CADPS2: variants seen among roughly 807,000 people sequenced by gnomAD.
CADPS2 encodes the protein calcium-dependent secretion activator 2.
Under a neutral mutation model 172.5 loss-of-function variants are expected in CADPS2, and 93 were observed. The observed-to-expected ratio is 0.54, with a 90% confidence interval of 0.46 to 0.64. The LOEUF is 0.64. Ranked by LOEUF, CADPS2 falls within the 30% of genes least tolerant of loss-of-function variation. CADPS2 has a pLI of 0.00. For synonymous variants in CADPS2, 546 were observed against 555.2 expected, an observed-to-expected ratio of 0.98 and a Z score of 0.23; for missense variants, 1,420 against 1,565.9, an observed-to-expected ratio of 0.91 and a Z score of 1.57.
intron 1 of CADPS2, among the ~76,000 whole-genome samples, chr7:122,780,865 T>C (rs539810518): frequency 2.1e-4 from 31 of 149,676 alleles, no homozygotes; most frequent in Non-Finnish European, 3.8e-4. Context: ...TTTATATTGG[T>C]TTTGGTTTTA....
Position 122,663,371 on chromosome 7 carries a change from A to C in CADPS2, c.652T>G (p.Cys218Gly), listed in dbSNP as rs2080827443. The C allele has an allele frequency of 6.2e-7, 1 of 1,613,990 alleles. No individual in the cohort carries two copies. Among genetic ancestry groups the C allele is most frequent in the Non-Finnish European group, 8.5e-7 (1 of 1,179,890 alleles). The change falls in exon 3 of 30, where the codon TGC (cysteine) becomes GGC (glycine). Residue 218 changes from cysteine (C) to glycine (G), a missense_variant. Cys to Gly is a radical substitution (Grantham distance 159). Coordinates refer to ENST00000449022, the MANE Select transcript of CADPS2 (RefSeq NM_017954.11). ...AGGGCCATTCTATTTGGCTGTTTGC[A>C]CAAGTCCTCTTCACCTCTGTAAATG... ...DAIYRGEEDL[C>G]KQPNRMALSA...
Position 122,886,343 on chromosome 7 carries a change from T to C in CADPS2, c.-6A>G. 6.7e-7 allele frequency: 1 copy of C among 1,492,214 alleles called. No homozygotes were observed. Among genetic ancestry groups the C allele is most frequent in the Non-Finnish European group, 8.9e-7 (1 of 1,129,860 alleles). The allele number at this position is 1,492,214 out of a possible 1,614,324, so 92.4% of individuals were successfully genotyped here. A position where few individuals can be genotyped will look rare whatever the true frequency, so the allele number is the denominator to read the frequency against. On this transcript the variant is annotated 5_prime_UTR_variant, in exon 1 of 30. Transcript: ENST00000449022. ...CTGGAAGACGGGTCCAGCATGGTGC[T>C]CGGGGATCCCCGCCGCTCGGCCCGC...
chr7:122,698,761 A>G, intron 2 of CADPS2: 3 of 1,613,976 alleles, frequency 1.9e-6, no homozygotes, highest in Non-Finnish European at 2.5e-6. Flanking sequence ...CAACTCTGAC[A>G]ACACATGATT....
At chr7:122,739,157 T>C (rs965262137) in intron 1 of CADPS2, among the ~76,000 whole-genome samples, 1 of 152,136 alleles carries the variant, frequency 6.6e-6, no homozygotes, top group African/African-American at 2.4e-5. Flanking sequence ...GAAAGCACTA[T>C]AGTTACTAAG....
In CADPS2 at chr7:122,608,672, G is replaced by T. The variant is rs1030323562; in HGVS notation, c.1223+6509C>A. ...CTTCTTGTCTTTTTATTACTTTCAG[G>T]TGGTGGGCAGTAGAGACCCATTAAT... On this transcript the variant is annotated intron_variant, in intron 6 of 29. Transcript: ENST00000449022. 2.0e-5 allele frequency among the ~76,000 whole-genome samples: 3 copies of T among 152,036 alleles called. No individual in the cohort carries two copies. In the East Asian group the frequency reaches 5.8e-4, roughly 29 times the overall value.
intron 25 of CADPS2, 144 bp from the exon 26 acceptor site, chr7:122,361,157 T>C: frequency 3.1e-6 from 2 of 644,632 alleles, no homozygotes; most frequent in African/African-American, 1.8e-5. Context: ...TAACTTGTGA[T>C]GTTTACTCTT....
chr7:122,713,575 T>C (rs1199051556), intron 2 of CADPS2, among the ~76,000 whole-genome samples: 1 of 152,032 alleles, frequency 6.6e-6, no homozygotes, highest in Non-Finnish European at 1.5e-5. Flanking sequence ...CTGTAACCAT[T>C]TTTTTCAATC....
At chr7:122,797,711 T>C (rs537486648) in intron 1 of CADPS2, among the ~76,000 whole-genome samples, 12 of 152,162 alleles carry the variant, frequency 7.9e-5, no homozygotes, top group African/African-American at 2.6e-4. Flanking sequence ...CAGAGCTTAT[T>C]GCAGGGTGGA....
chr7:122,690,917 G>T (rs2084266685), intron 2 of CADPS2, among the ~76,000 whole-genome samples: 1 of 152,174 alleles, frequency 6.6e-6, no homozygotes, highest in Non-Finnish European at 1.5e-5. Flanking sequence ...GACTAGACCT[G>T]TGTACCATGC....
intron 1 of CADPS2, among the ~76,000 whole-genome samples, chr7:122,763,641 G>C (rs1416424726): frequency 6.6e-6 from 1 of 152,106 alleles, no homozygotes; most frequent in African/African-American, 2.4e-5. Flanking sequence ...CAAAGGAGTT[G>C]CTCTATAATG....
At chr7:122,361,089 T>A in intron 25 of CADPS2, 76 bp from the exon 26 acceptor site, 1 of 1,237,708 alleles carries the variant, frequency 8.1e-7, no homozygotes. Context: ...AATTCCTGAA[T>A]CAATTTCTTC....
chr7:122,558,147 A>G (rs1013257349), intron 7 of CADPS2, among the ~76,000 whole-genome samples: 2 of 152,332 alleles, frequency 1.3e-5, no homozygotes, highest in East Asian at 1.9e-4. Context: ...CCTAACTAGT[A>G]TATCAACAAG....
chr7:122,397,913 G>A (rs1410529954), intron 20 of CADPS2, among the ~76,000 whole-genome samples: 2 of 152,146 alleles, frequency 1.3e-5, no homozygotes, highest in Admixed American at 6.5e-5. Flanking sequence ...TACCGCCTGA[G>A]GGGAAAGCCA....
chr7:122,746,692 G>C (rs1183702059), intron 1 of CADPS2, among the ~76,000 whole-genome samples: 1 of 151,860 alleles, frequency 6.6e-6, no homozygotes, highest in African/African-American at 2.4e-5. Flanking sequence ...AATTTGTGTT[G>C]GGCTGCATTG....
chr7:122,711,053 GA>G (rs1248922125), intron 2 of CADPS2, among the ~76,000 whole-genome samples: 3 of 151,954 alleles, frequency 2.0e-5, no homozygotes, highest in Non-Finnish European at 2.9e-5. Context: ...CTTTTTTAAA[GA>G]AAGAGAACAG....
intron 3 of CADPS2, among the ~76,000 whole-genome samples, chr7:122,662,678 C>G (rs1438150339): frequency 6.6e-6 from 1 of 151,982 alleles, no homozygotes; most frequent in African/African-American, 2.4e-5. Context: ...TGGCCTTTAT[C>G]CCATTTTTGT....
intron 24 of CADPS2, 53 bp downstream of exon 24, chr7:122,386,973 C>G (rs2043767178): frequency 6.5e-7 from 1 of 1,527,642 alleles, no homozygotes; most frequent in African/African-American, 1.4e-5. Flanking sequence ...AAGGGCATTT[C>G]CCATGCCAAG....
chr7:122,351,241 C>T (rs1410562216), intron 27 of CADPS2, among the ~76,000 whole-genome samples: 3 of 150,328 alleles, frequency 2.0e-5, no homozygotes, highest in African/African-American at 2.4e-5. Flanking sequence ...GGCATGGTGG[C>T]GGGTGCCTGT....
At position 122,681,303 on chromosome 7, in the gene CADPS2, C is replaced by T. The variant is rs146412398; in HGVS notation, c.454-17734G>A. The T allele has an allele frequency of 4.4e-4, 460 of 1,054,558 alleles. No individual in the cohort carries two copies. In the African/African-American group the frequency reaches 5.5e-3, roughly 13 times the overall value. The allele number at this position is 1,054,558 out of a possible 1,614,324, so 65.3% of individuals were successfully genotyped here. ...TAATAAAAGAAAGAGCTCTCCGGTCCGTGCCTCCAAGATGACAAAGAAAAG... is the reference window on the plus strand; with the variant it reads ...TAATAAAAGAAAGAGCTCTCCGGTCTGTGCCTCCAAGATGACAAAGAAAAG... On this transcript the variant is annotated intron_variant, in intron 2 of 29. Transcript: ENST00000449022.
Sources: allele counts gnomAD v4.1 joint callset (sites outside exome capture counted in the v4.1 genomes callset), GRCh38; gene constraint gnomAD v4.1.1; transcripts MANE v1.5; gene names NCBI Gene and HGNC (gene_info 2026-07-23, HGNC 2026-07-21).